CCDC25: variants seen among roughly 807,000 people sequenced by gnomAD.
CCDC25 encodes the protein coiled-coil domain-containing protein 25.
Under a neutral mutation model 35.3 loss-of-function variants are expected in CCDC25, and 16 were observed. The ratio of observed to expected loss-of-function variants is 0.45; its 90% CI spans 0.31 to 0.69. CCDC25 has a LOEUF of 0.69. Ranked by LOEUF, CCDC25 falls within the 30% of genes least tolerant of loss-of-function variation. The probability of loss-of-function intolerance (pLI) is 0.06; values close to 1 mark genes in which losing one functional copy is unlikely to be tolerated. For missense variants in CCDC25, 179 were observed against 250.7 expected (o/e 0.71, Z 1.93); for synonymous variants, 79 against 80.3 (o/e 0.98, Z 0.09).
intron 2 of CCDC25, 31 bp downstream of exon 2, chr8:27,765,173 A>G: frequency 2.7e-6 from 4 of 1,492,468 alleles, no homozygotes; most frequent in Non-Finnish European, 2.7e-6. Flanking sequence ...CCTGCTGAAA[A>G]TTTCAAAATC....
intron 1 of CCDC25, among the ~76,000 whole-genome samples, chr8:27,771,513 T>C: frequency 6.6e-6 from 1 of 152,094 alleles, no homozygotes; most frequent in African/African-American, 2.4e-5. Flanking sequence ...GTTAGGTGAC[T>C]CTGCTCTCTC....
In CCDC25 at chr8:27,765,326, A is replaced by G. The variant is rs1012379949; in HGVS notation, c.29-75T>C. 2.4e-6 allele frequency: 3 copies of G among 1,237,956 alleles called. No homozygotes were observed. The African/African-American group carries it at 4.6e-5, about 19-fold the overall frequency. 76.7% of individuals were successfully genotyped at this position (1,237,956 alleles called of 1,614,324 possible). A position where few individuals can be genotyped will look rare whatever the true frequency, so the allele number is the denominator to read the frequency against. On this transcript the variant is annotated intron_variant, in intron 1 of 8. Transcript: ENST00000356537. ...AATTGTTTCATGTGAAAAACAAGTG[A>G]CAATTCTTAGACTAGGGGCTGGCAA...
chr8:27,749,150 C>T (rs1315634335), intron 5 of CCDC25, among the ~76,000 whole-genome samples: 1 of 152,190 alleles, frequency 6.6e-6, no homozygotes, highest in Non-Finnish European at 1.5e-5. Flanking sequence ...CCAAAGAAAA[C>T]ACAGAAGTCA....
intron 5 of CCDC25, among the ~76,000 whole-genome samples, chr8:27,749,804 G>A (rs1054944663): frequency 2.6e-5 from 4 of 152,086 alleles, no homozygotes; most frequent in Middle Eastern, 3.2e-3. Flanking sequence ...TTAAGACAAC[G>A]TCCATGTTCT....
At chr8:27,758,902 C>T (rs910357627) in intron 3 of CCDC25, among the ~76,000 whole-genome samples, 1 of 152,044 alleles carries the variant, frequency 6.6e-6, no homozygotes, top group Admixed American at 6.5e-5. Flanking sequence ...GCAACTTTAT[C>T]AATATACACC....
chr8:27,748,815 G>A (rs1803695777), intron 5 of CCDC25, among the ~76,000 whole-genome samples: 2 of 152,166 alleles, frequency 1.3e-5, no homozygotes, highest in Non-Finnish European at 2.9e-5. Flanking sequence ...ATGGCAAGTA[G>A]GAGTCCATGG....
chr8:27,742,142 G>A (rs747531070), intron 7 of CCDC25, among the ~76,000 whole-genome samples: 3 of 152,184 alleles, frequency 2.0e-5, no homozygotes, highest in African/African-American at 4.8e-5. Flanking sequence ...GAGACATGCC[G>A]CATTTGAAGT....
chr8:27,744,477 CA>C (rs1803541430), intron 7 of CCDC25, among the ~76,000 whole-genome samples: 1 of 151,834 alleles, frequency 6.6e-6, no homozygotes, highest in Admixed American at 6.5e-5. Context: ...ATAAGATAAA[CA>C]AAAAAAGGTA....
chr8:27,744,841 T>G (rs1257920378), intron 7 of CCDC25, among the ~76,000 whole-genome samples: 4 of 152,200 alleles, frequency 2.6e-5, no homozygotes, highest in Non-Finnish European at 4.4e-5. Flanking sequence ...CTTTCCACAT[T>G]ATCCTCCATG....
rs7465 is a variant in CCDC25, at chr8:27,735,311, G to A, written c.*905C>T. The A allele has an allele frequency of 0.43, 66,150 of 152,394 alleles. 14,615 individuals are homozygous for A. Among genetic ancestry groups the A allele is most frequent in the East Asian group, 0.63 (3,254 of 5,164 alleles). The allele number at this position is 152,394 out of a possible 1,614,324, so 9.4% of individuals were successfully genotyped here. On this transcript the variant is annotated 3_prime_UTR_variant, in exon 9 of 9. Transcript: ENST00000356537. ...TACAGGTGGAATATCTGCTGCAGGA[G>A]GTCATTCTTGCTGCTGTGGGTGTGA...
intron 4 of CCDC25, 46 bp from the exon 5 acceptor site, chr8:27,752,633 T>C (rs768204507): frequency 3.5e-6 from 5 of 1,445,302 alleles, no homozygotes; most frequent in South Asian, 2.3e-5. Flanking sequence ...TCATTATCCA[T>C]TGACACTGGA....
In CCDC25 at chr8:27,733,995, AAG is replaced by A. The variant is rs1292700027; in HGVS notation, c.*2219_*2220del. ...AAAACCGCTGGCACTGAATAGCTGAAAGGCTCGCTGAAATCTGTGCTTCAAGA... is the reference window on the plus strand; with the variant it reads ...AAAACCGCTGGCACTGAATAGCTGAAGCTCGCTGAAATCTGTGCTTCAAGA... On this transcript the variant is annotated 3_prime_UTR_variant, in exon 9 of 9. Transcript: ENST00000356537. 6.6e-6 allele frequency: 1 copy of A among 152,242 alleles called. No individual in the cohort carries two copies. The highest frequency in any genetic ancestry group is 1.5e-5 in the Non-Finnish European group (1 of 68,056). 9.4% of individuals were successfully genotyped at this position (152,242 alleles called of 1,614,324 possible).
rs541180067 is a variant in CCDC25 at position 27,769,223 on chromosome 8, T to C, written c.28+3290A>G. ...AACTTTGCAGTTTTAAAAGATCAGCTGCACAAGTGCACTTTTATTAGGCTT... is the reference window on the plus strand; with the variant it reads ...AACTTTGCAGTTTTAAAAGATCAGCCGCACAAGTGCACTTTTATTAGGCTT... On this transcript the variant is annotated intron_variant, in intron 1 of 8. Transcript: ENST00000356537. 1.5e-4 allele frequency among the ~76,000 whole-genome samples: 23 copies of C among 152,350 alleles called. 1 individual carries two copies. Among genetic ancestry groups the C allele is most frequent in the Non-Finnish European group, 2.9e-5 (2 of 68,032 alleles).
chr8:27,756,157 A>C (rs1293999624), intron 4 of CCDC25: 1 of 152,236 alleles, frequency 6.6e-6, no homozygotes, highest in Admixed American at 6.5e-5. Flanking sequence ...TCCAAAGTTG[A>C]AAGTTTATCA....
At chr8:27,769,158 C>T (rs937048746) in intron 1 of CCDC25, among the ~76,000 whole-genome samples, 3 of 152,188 alleles carry the variant, frequency 2.0e-5, no homozygotes, top group Non-Finnish European at 4.4e-5. Flanking sequence ...TATGTAAAGT[C>T]TCATTACTAT....
intron 2 of CCDC25, 130 bp from the exon 3 acceptor site, chr8:27,762,588 G>A (rs144760864): frequency 0.023 from 15,269 of 676,952 alleles, 321 homozygotes; most frequent in South Asian, 0.061. Flanking sequence ...AGAGTAATTC[G>A]GAGGCCTTGA....
chr8:27,764,423 T>C (rs1804331061), intron 2 of CCDC25: 1 of 357,396 alleles, frequency 2.8e-6, no homozygotes, highest in East Asian at 1.2e-4. Flanking sequence ...TGTGTGTCAC[T>C]ATGCCCAGCT....
At chr8:27,748,312 C>CT in intron 6 of CCDC25, 33 bp from the exon 7 acceptor site, 1 of 1,587,170 alleles carries the variant, frequency 6.3e-7, no homozygotes, top group Non-Finnish European at 8.6e-7. Context: ...GATATTGCAT[C>CT]TTTTTGTTTT....
intron 6 of CCDC25, 41 bp downstream of exon 6, chr8:27,748,454 G>A: frequency 2.0e-6 from 3 of 1,465,306 alleles, no homozygotes; most frequent in Non-Finnish European, 2.9e-6. Context: ...ACTCCATTCA[G>A]TATCAGGGCT....
Sources: allele counts gnomAD v4.1 joint callset (sites outside exome capture counted in the v4.1 genomes callset), GRCh38; gene constraint gnomAD v4.1.1; transcripts MANE v1.5; gene names NCBI Gene and HGNC (gene_info 2026-07-23, HGNC 2026-07-21).